Variants in GALNTL6 observed in about 807,000 individuals in gnomAD.
GALNTL6 encodes polypeptide N-acetylgalactosaminyltransferase-like 6.
GALNTL6 carries 46 observed loss-of-function variants against 73.7 expected under a neutral mutation model. That is an observed-to-expected ratio of 0.62 (90% CI 0.49 to 0.80). The LOEUF (loss-of-function observed/expected upper bound fraction) is 0.80, where lower values mean the gene tolerates loss of function less well. GALNTL6 is among the 30% of genes least tolerant of loss of function. The pLI is 0.00. For synonymous variants in GALNTL6, 259 were observed against 263.7 expected (o/e 0.98, Z 0.17); for missense variants, 604 against 755.0 (o/e 0.80, Z 2.34).
chr4:172,808,681 G>C (rs1308426163), intron 5 of GALNTL6, among the ~76,000 whole-genome samples: 3 of 151,912 alleles, frequency 2.0e-5, no homozygotes, highest in Non-Finnish European at 4.4e-5. Flanking sequence ...TATCCGATTT[G>C]ATTTTGTTTC....
chr4:172,097,291 T>A (rs1456392553), intron 2 of GALNTL6, among the ~76,000 whole-genome samples: 1 of 152,208 alleles, frequency 6.6e-6, no homozygotes, highest in Non-Finnish European at 1.5e-5. Context: ...ATCCACGAAG[T>A]GCTATCTCTC....
chr4:172,332,803 C>T (rs534431966), intron 4 of GALNTL6, among the ~76,000 whole-genome samples: 1 of 152,002 alleles, frequency 6.6e-6, no homozygotes, highest in African/African-American at 2.4e-5. Context: ...ATTTCTTTTC[C>T]GTTGGGAAGA....
At chr4:172,322,343 G>A (rs927074221) in intron 4 of GALNTL6, among the ~76,000 whole-genome samples, 1 of 152,042 alleles carries the variant, frequency 6.6e-6, no homozygotes, top group African/African-American at 2.4e-5. Context: ...CCCCTCAGTC[G>A]AATTCTTTCT....
At chr4:172,593,209 C>A (rs1341535907) in intron 5 of GALNTL6, among the ~76,000 whole-genome samples, 1 of 152,142 alleles carries the variant, frequency 6.6e-6, no homozygotes, top group Non-Finnish European at 1.5e-5. Flanking sequence ...ACTTCTCAAA[C>A]ATAACTTACA....
At chr4:172,395,444 A>G (rs1327498388) in intron 5 of GALNTL6, among the ~76,000 whole-genome samples, 1 of 152,142 alleles carries the variant, frequency 6.6e-6, no homozygotes, top group East Asian at 1.9e-4. Context: ...AACCATTAAT[A>G]TAATATTTTT....
chr4:172,568,896 T>A (rs1736663390), intron 5 of GALNTL6, among the ~76,000 whole-genome samples: 1 of 152,012 alleles, frequency 6.6e-6, no homozygotes, highest in African/African-American at 2.4e-5. Flanking sequence ...CTTAAAACAT[T>A]ATGAGATCTT....
At chr4:172,273,742 G>A (rs965601589) in intron 3 of GALNTL6, among the ~76,000 whole-genome samples, 6 of 152,176 alleles carry the variant, frequency 3.9e-5, no homozygotes, top group African/African-American at 1.2e-4. Context: ...GCAGAGAGCT[G>A]TAAGGCAAAC....
chr4:172,770,302 A>AATAG (rs10674674), intron 5 of GALNTL6, among the ~76,000 whole-genome samples: 5 of 151,386 alleles, frequency 3.3e-5, no homozygotes, highest in African/African-American at 9.7e-5. Flanking sequence ...TAAATAAATA[A>AATAG]GCTTTTATAG....
rs1441098718 is a variant in GALNTL6 at position 172,430,126 on chromosome 4, AT to A, written c.553+81438del. 2.4e-3 allele frequency among the ~76,000 whole-genome samples: 364 copies of A among 152,082 alleles called. 1 individual carries two copies. The highest frequency in any genetic ancestry group is 8.3e-3 in the African/African-American group (343 of 41,496). On this transcript the variant is annotated intron_variant, in intron 5 of 12. Coordinates refer to ENST00000506823, the MANE Select transcript of GALNTL6 (RefSeq NM_001034845.3). ...ATCTGTGAAGTGAAACGGAGAGAAA[AT>A]ATTAAAGCTAGTTGACCATAAAAGT...
intron 2 of GALNTL6, among the ~76,000 whole-genome samples, chr4:171,817,260 T>C (rs1734548868): frequency 6.6e-6 from 1 of 152,000 alleles, no homozygotes; most frequent in Non-Finnish European, 1.5e-5. Context: ...AGGGTTCTAG[T>C]TCTGAGTATC....
chr4:172,299,580 T>C (rs1264559170), intron 3 of GALNTL6, among the ~76,000 whole-genome samples: 1 of 152,206 alleles, frequency 6.6e-6, no homozygotes, highest in Non-Finnish European at 1.5e-5. Flanking sequence ...TTTATTCTCA[T>C]TGGTTTCAAA....
At chr4:172,458,823 C>G (rs1292283148) in intron 5 of GALNTL6, among the ~76,000 whole-genome samples, 2 of 152,244 alleles carry the variant, frequency 1.3e-5, no homozygotes, top group East Asian at 3.9e-4. Flanking sequence ...GAAACTATTC[C>G]AAACAACAGA....
At chr4:173,013,471 A>T (rs1752641798) in intron 11 of GALNTL6, among the ~76,000 whole-genome samples, 2 of 152,068 alleles carry the variant, frequency 1.3e-5, no homozygotes, top group Non-Finnish European at 2.9e-5. Flanking sequence ...TGCAGATTTT[A>T]TTTGACAGCG....
chr4:172,635,784 A>G (rs952298921), intron 5 of GALNTL6, among the ~76,000 whole-genome samples: 3 of 152,186 alleles, frequency 2.0e-5, no homozygotes, highest in Non-Finnish European at 4.4e-5. Context: ...AGCAAGCTTT[A>G]TATCCAATAA....
chr4:172,963,484 T>C (rs912473408), intron 10 of GALNTL6, among the ~76,000 whole-genome samples: 1 of 152,232 alleles, frequency 6.6e-6, no homozygotes, highest in Non-Finnish European at 1.5e-5. Context: ...ACAAGGATTT[T>C]GTTGGTTTGT....
chr4:172,600,122 A>G (rs751617776), intron 5 of GALNTL6, among the ~76,000 whole-genome samples: 8 of 152,244 alleles, frequency 5.3e-5, no homozygotes, highest in Middle Eastern at 3.4e-3. Context: ...TTTTTTCATT[A>G]TAAAATGGTG....
intron 2 of GALNTL6, among the ~76,000 whole-genome samples, chr4:171,909,415 A>G (rs1292833744): frequency 1.3e-5 from 2 of 152,142 alleles, no homozygotes; most frequent in African/African-American, 4.8e-5. Flanking sequence ...GCTGGCTTTC[A>G]CCTTGAAATG....
At chr4:171,945,229 A>G (rs1420288210) in intron 2 of GALNTL6, among the ~76,000 whole-genome samples, 2 of 152,132 alleles carry the variant, frequency 1.3e-5, no homozygotes, top group African/African-American at 4.8e-5. Flanking sequence ...AAAAAACATC[A>G]TTGAAACAGA....
intron 2 of GALNTL6, among the ~76,000 whole-genome samples, chr4:172,099,871 G>A (rs1180556231): frequency 1.3e-5 from 2 of 152,006 alleles, no homozygotes; most frequent in Non-Finnish European, 2.9e-5. Flanking sequence ...CTGCACTGTT[G>A]ACACTGTCCT....
Sources: gnomAD v4.1 joint callset for allele counts (sites outside exome capture counted in the v4.1 genomes callset) on GRCh38, gnomAD v4.1.1 for gene constraint, MANE v1.5 for transcripts, NCBI Gene and HGNC (gene_info 2026-07-23, HGNC 2026-07-21) for gene names.